Variants in FMNL2 observed in about 807,000 individuals in gnomAD.
The protein encoded by FMNL2 is formin like 2, also known as formin-like protein 2.
In FMNL2, 51 loss-of-function variants were observed where a neutral mutation model predicts 130.2. The ratio of observed to expected loss-of-function variants is 0.39; its 90% CI spans 0.31 to 0.49. The LOEUF is 0.49. FMNL2 is among the 20% of genes least tolerant of loss of function. FMNL2 has a pLI of 0.85. For missense variants in FMNL2, 977 were observed against 1,316.2 expected, an observed-to-expected ratio of 0.74 and a Z score of 3.99; for synonymous variants, 465 against 467.1, an observed-to-expected ratio of 1.00 and a Z score of 0.06.
chr2:152,475,148 T>C (rs1690079697), intron 1 of FMNL2, among the ~76,000 whole-genome samples: 1 of 152,240 alleles, frequency 6.6e-6, no homozygotes, highest in African/African-American at 2.4e-5. Flanking sequence ...TGGAAACTGG[T>C]AACTGCTATT....
intron 11 of FMNL2, among the ~76,000 whole-genome samples, chr2:152,612,897 A>G (rs1026734507): frequency 1.7e-4 from 26 of 152,196 alleles, no homozygotes; most frequent in African/African-American, 6.3e-4. Flanking sequence ...GCTGTGAAGA[A>G]TATAGAAGTA....
At position 152,647,953 on chromosome 2, in the gene FMNL2, C is replaced by A; in HGVS notation, c.*48C>A. Reference sequence around the variant, plus strand: ...TACAGGGTGTGCGTGAATGAAACTGCCCACATGAACTTTATGTGCTACGAT... The same window carrying A: ...TACAGGGTGTGCGTGAATGAAACTGACCACATGAACTTTATGTGCTACGAT... On this transcript the variant is annotated 3_prime_UTR_variant, in exon 26 of 26. Transcript: ENST00000288670. 1 of 1,428,854 alleles carries A rather than the reference C, an allele frequency of 7.0e-7. No homozygotes were observed. Among genetic ancestry groups the A allele is most frequent in the Non-Finnish European group, 9.6e-7 (1 of 1,040,426 alleles). The allele number at this position is 1,428,854 out of a possible 1,614,324, so 88.5% of individuals were successfully genotyped here.
In FMNL2 at chr2:152,649,361, G is replaced by GTTA. The variant is rs1683879519; in HGVS notation, c.*1459_*1461dup. The GTTA allele has an allele frequency of 3.9e-5, 6 of 152,242 alleles. No homozygotes were observed. Among genetic ancestry groups the GTTA allele is most frequent in the Admixed American group, 3.9e-4 (6 of 15,248 alleles). 9.4% of individuals were successfully genotyped at this position (152,242 alleles called of 1,614,324 possible). Reference sequence around the variant, plus strand: ...TCAGCCTATGCTATACAATCTGAATGTTATTTTAACTTATAGTTTTTTTTA... The same window carrying GTTA: ...TCAGCCTATGCTATACAATCTGAATGTTATTATTTTAACTTATAGTTTTTTTTA... On this transcript the variant is annotated 3_prime_UTR_variant, in exon 26 of 26. Coordinates refer to ENST00000288670, the MANE Select transcript of FMNL2 (RefSeq NM_052905.4).
intron 9 of FMNL2, among the ~76,000 whole-genome samples, chr2:152,597,146 A>G (rs1412399349): frequency 2.0e-5 from 3 of 152,240 alleles, no homozygotes; most frequent in Non-Finnish European, 4.4e-5. Flanking sequence ...AATACTGGGA[A>G]GCAGTCAGAC....
At chr2:152,445,499 T>C (rs1025106780) in intron 1 of FMNL2, among the ~76,000 whole-genome samples, 5 of 152,210 alleles carry the variant, frequency 3.3e-5, no homozygotes, top group East Asian at 1.9e-4. Flanking sequence ...CTAGTGTCAC[T>C]GGGGAACTGA....
At chr2:152,381,318 C>G (rs34292996) in intron 1 of FMNL2, among the ~76,000 whole-genome samples, 2,414 of 152,192 alleles carry the variant, frequency 0.016, 59 homozygotes, top group African/African-American at 0.049. Context: ...TACGTTTCAG[C>G]TTGGTGTCCA....
chr2:152,380,632 C>T (rs1255379730), intron 1 of FMNL2, among the ~76,000 whole-genome samples: 1 of 152,178 alleles, frequency 6.6e-6, no homozygotes, highest in Non-Finnish European at 1.5e-5. Context: ...TGGCTGTCTC[C>T]TAATGGATTA....
At chr2:152,502,397 C>T (rs921417946) in intron 1 of FMNL2, among the ~76,000 whole-genome samples, 7 of 152,250 alleles carry the variant, frequency 4.6e-5, no homozygotes, top group East Asian at 1.9e-4. Flanking sequence ...GAAAAAATAC[C>T]GCCTTTGGGC....
intron 18 of FMNL2, among the ~76,000 whole-genome samples, chr2:152,629,326 G>C (rs1379080925): frequency 2.0e-5 from 3 of 152,114 alleles, no homozygotes; most frequent in African/African-American, 7.2e-5. Flanking sequence ...GAGGTGGTAG[G>C]CAGGAAATTG....
intron 1 of FMNL2, among the ~76,000 whole-genome samples, chr2:152,438,296 T>G (rs1447216912): frequency 1.3e-5 from 2 of 152,200 alleles, no homozygotes; most frequent in Non-Finnish European, 2.9e-5. Context: ...AGAATCAAAA[T>G]CAATTGGTCA....
At position 152,647,940 on chromosome 2, in the gene FMNL2, G is replaced by A. The variant is rs201665827; in HGVS notation, c.*35G>A. 6.7e-5 allele frequency: 103 copies of A among 1,538,500 alleles called. No individual in the cohort carries two copies. The highest frequency in any genetic ancestry group is 3.5e-4 in the Admixed American group (19 of 54,436). On this transcript the variant is annotated 3_prime_UTR_variant, in exon 26 of 26. Transcript: ENST00000288670. ...TGGCCTGCATGAATACAGGGTGTGCGTGAATGAAACTGCCCACATGAACTT... is the reference window on the plus strand; with the variant it reads ...TGGCCTGCATGAATACAGGGTGTGCATGAATGAAACTGCCCACATGAACTT...
intron 9 of FMNL2, among the ~76,000 whole-genome samples, chr2:152,589,392 C>T (rs1050335279): frequency 1.3e-5 from 2 of 152,064 alleles, no homozygotes; most frequent in Admixed American, 6.6e-5. Context: ...ATAAAAATGC[C>T]GCTTCTAAAA....
chr2:152,429,953 A>G (rs1242716468), intron 1 of FMNL2, among the ~76,000 whole-genome samples: 4 of 152,198 alleles, frequency 2.6e-5, no homozygotes, highest in Admixed American at 1.3e-4. Flanking sequence ...AAGATGTGGC[A>G]TAGGTGATGG....
intron 1 of FMNL2, among the ~76,000 whole-genome samples, chr2:152,489,698 A>C (rs1224208958): frequency 1.3e-5 from 2 of 152,180 alleles, no homozygotes; most frequent in Admixed American, 6.5e-5. Context: ...TGGATGTGGG[A>C]CGTAGAATGT....
chr2:152,635,854 C>T (rs917135492), intron 21 of FMNL2, among the ~76,000 whole-genome samples: 8 of 152,194 alleles, frequency 5.3e-5, no homozygotes, highest in African/African-American at 1.2e-4. Context: ...AAAAGGCTGC[C>T]CCCTGCTGGA....
At chr2:152,525,259 G>A (rs956964296) in intron 2 of FMNL2, among the ~76,000 whole-genome samples, 1 of 152,200 alleles carries the variant, frequency 6.6e-6, no homozygotes, top group Non-Finnish European at 1.5e-5. Flanking sequence ...ATGATTTAGG[G>A]GGTGCCTACA....
intron 1 of FMNL2, among the ~76,000 whole-genome samples, chr2:152,397,310 A>G (rs1685448299): frequency 6.6e-6 from 1 of 152,166 alleles, no homozygotes; most frequent in South Asian, 2.1e-4. Flanking sequence ...GATGAGCATA[A>G]TGTAGGTGGG....
At chr2:152,427,179 AG>A (rs1181766532) in intron 1 of FMNL2, among the ~76,000 whole-genome samples, 1 of 152,254 alleles carries the variant, frequency 6.6e-6, no homozygotes, top group African/African-American at 2.4e-5. Flanking sequence ...GTAACCCCTG[AG>A]TCCTAAAAGA....
chr2:152,636,639 G>C, intron 22 of FMNL2, 49 bp downstream of exon 22: 1 of 1,535,948 alleles, frequency 6.5e-7, no homozygotes, highest in East Asian at 2.5e-5. Context: ...ATCCATTAAA[G>C]CTGCCTGTGG....
Sources: gnomAD v4.1 joint callset for allele counts (sites outside exome capture counted in the v4.1 genomes callset) on GRCh38, gnomAD v4.1.1 for gene constraint, MANE v1.5 for transcripts, NCBI Gene and HGNC (gene_info 2026-07-23, HGNC 2026-07-21) for gene names.